Variants in ANO4 observed in about 807,000 individuals in gnomAD.
The protein encoded by ANO4 is anoctamin-4.
In ANO4, 69 loss-of-function variants were observed where a neutral mutation model predicts 141.9. That is an observed-to-expected ratio of 0.49 (90% CI 0.40 to 0.59). ANO4 has a LOEUF of 0.59. ANO4 is among the 20% of genes least tolerant of loss of function. ANO4 has a pLI of 0.00. For synonymous variants in ANO4, 350 were observed against 394.3 expected, an observed-to-expected ratio of 0.89 and a Z score of 1.33; for missense variants, 894 against 1,162.2, an observed-to-expected ratio of 0.77 and a Z score of 3.36.
chr12:100,967,629 G>A lies in ANO4; in HGVS notation c.457-3677G>A, dbSNP rs150176490. On this transcript the variant is annotated intron_variant, in intron 5 of 27. Coordinates refer to ENST00000392977, the MANE Select transcript of ANO4 (RefSeq NM_001286615.2). ...CACAGAGGACTCATAGATATTCATC[G>A]CCATTCAAGAGAATTCAGGTAATAT... 4.9e-3 allele frequency among the ~76,000 whole-genome samples: 734 copies of A among 151,022 alleles called. 6 individuals carry two copies. Among genetic ancestry groups the A allele is most frequent in the African/African-American group, 0.017 (687 of 41,126 alleles).
chr12:100,940,411 T>G (rs1407668663), intron 4 of ANO4, among the ~76,000 whole-genome samples: 1 of 152,172 alleles, frequency 6.6e-6, no homozygotes, highest in Non-Finnish European at 1.5e-5. Context: ...TTGTTCTGCT[T>G]GGAGCCAATA....
At chr12:101,097,461 G>A (rs775977934) in intron 19 of ANO4, among the ~76,000 whole-genome samples, 190 bp from the exon 20 acceptor site, 1 of 152,220 alleles carries the variant, frequency 6.6e-6, no homozygotes, top group African/African-American at 2.4e-5. Context: ...AGAAAGGCCA[G>A]AAGAGACATG....
intron 1 of ANO4, among the ~76,000 whole-genome samples, chr12:100,848,190 G>C (rs964139538): frequency 3.3e-5 from 5 of 152,000 alleles, no homozygotes; most frequent in Non-Finnish European, 7.4e-5. Context: ...TACTAGCCTT[G>C]ATTTATCCCA....
chr12:101,111,910 CA>C (rs1457451685), intron 24 of ANO4, among the ~76,000 whole-genome samples, 200 bp downstream of exon 24: 1 of 151,942 alleles, frequency 6.6e-6, no homozygotes, highest in African/African-American at 2.4e-5. Context: ...CCTCATCTAC[CA>C]AAGAGTTGGA....
chr12:100,792,468 C>T (rs530268742), upstream of ANO4, among the ~76,000 whole-genome samples: 10 of 152,254 alleles, frequency 6.6e-5, no homozygotes, highest in Non-Finnish European at 1.0e-4. Flanking sequence ...AAGACACAAT[C>T]GCTGATATCA....
intron 8 of ANO4, among the ~76,000 whole-genome samples, chr12:101,017,987 T>C (rs1297029692): frequency 6.6e-6 from 1 of 152,184 alleles, no homozygotes; most frequent in African/African-American, 2.4e-5. Flanking sequence ...GAAAATGTAA[T>C]GTGATGCTAT....
At chr12:100,752,326 C>T (rs1458147608) in intron 3 of ANO4, among the ~76,000 whole-genome samples, 1 of 151,960 alleles carries the variant, frequency 6.6e-6, no homozygotes, top group Non-Finnish European at 1.5e-5. Context: ...TTGTGACCTA[C>T]TACTACTACT....
intron 3 of ANO4, among the ~76,000 whole-genome samples, chr12:100,751,790 A>C (rs1227508809): frequency 6.6e-6 from 1 of 152,174 alleles, no homozygotes. Context: ...AGGAAATTTC[A>C]TTAGCTCAGT....
chr12:101,079,792 C>G lies in ANO4; in HGVS notation c.1395+517C>G, dbSNP rs545658913. ...TTGGGAGACGTGGTTAAATGGAGGG[C>G]CAGCTCTAGACAAAACTGCCAAGGA... On this transcript the variant is annotated intron_variant, in intron 15 of 27. Transcript: ENST00000392977. Among the ~76,000 whole-genome samples, 36 of 151,650 alleles carry G rather than the reference C, an allele frequency of 2.4e-4. 1 individual carries two copies. In the South Asian group the frequency reaches 7.3e-3, roughly 31 times the overall value.
chr12:100,853,340 C>G (rs1201056127), intron 1 of ANO4, among the ~76,000 whole-genome samples: 1 of 151,940 alleles, frequency 6.6e-6, no homozygotes, highest in Non-Finnish European at 1.5e-5. Flanking sequence ...ATTGTATGTC[C>G]TGTTTAAGAA....
intron 1 of ANO4, among the ~76,000 whole-genome samples, chr12:100,829,516 T>C (rs2036531097): frequency 6.6e-6 from 1 of 152,054 alleles, no homozygotes; most frequent in Non-Finnish European, 1.5e-5. Context: ...CTGGACTTTT[T>C]CCTCCCTTAA....
At chr12:101,125,132 C>T (rs1026201040) in intron 26 of ANO4, among the ~76,000 whole-genome samples, 4 of 152,134 alleles carry the variant, frequency 2.6e-5, no homozygotes, top group Non-Finnish European at 5.9e-5. Flanking sequence ...TGCTTGTGTC[C>T]TTTCTGATTT....
chr12:101,089,451 T>C (rs1445037182), intron 17 of ANO4, among the ~76,000 whole-genome samples: 9 of 152,094 alleles, frequency 5.9e-5, no homozygotes. Flanking sequence ...TAGCACTTCC[T>C]GTACCTCCCC....
At chr12:101,078,749 T>G (rs1424763448) in intron 14 of ANO4, among the ~76,000 whole-genome samples, 1 of 152,204 alleles carries the variant, frequency 6.6e-6, no homozygotes, top group Non-Finnish European at 1.5e-5. Flanking sequence ...CTGCCAAGTT[T>G]CATTTTGACT....
In ANO4 at chr12:100,870,811, T is replaced by C. The variant is rs189919173; in HGVS notation, c.-140-30835T>C. Among the ~76,000 whole-genome samples, 21 of 152,312 alleles carry C rather than the reference T, an allele frequency of 1.4e-4. No homozygotes were observed. In the East Asian group the frequency reaches 3.5e-3, roughly 25 times the overall value. ...TTTATTTTTGAAGTCACATTAGAGT[T>C]CCAAATGTATAATTATACAGGATTC... On this transcript the variant is annotated intron_variant, in intron 1 of 27. Transcript: ENST00000392977.
At chr12:100,877,580 A>G (rs2039377849) in intron 1 of ANO4, among the ~76,000 whole-genome samples, 1 of 151,856 alleles carries the variant, frequency 6.6e-6, no homozygotes, top group Non-Finnish European at 1.5e-5. Flanking sequence ...GAGTTTGGTA[A>G]GAGTAACTTC....
intron 9 of ANO4, among the ~76,000 whole-genome samples, chr12:101,035,700 G>C (rs910574689): frequency 6.6e-6 from 1 of 152,118 alleles, no homozygotes; most frequent in South Asian, 2.1e-4. Flanking sequence ...AAGAGCTCCT[G>C]GTGTAATTCC....
chr12:100,766,158 C>T (rs2888561), intron 3 of ANO4, among the ~76,000 whole-genome samples: 6,954 of 152,194 alleles, frequency 0.046, 179 homozygotes, highest in Non-Finnish European at 0.066. Flanking sequence ...ACCTAGCATT[C>T]TGTCCTCCAG....
chr12:101,121,317 A>G (rs1035663751), intron 26 of ANO4, among the ~76,000 whole-genome samples: 2 of 152,100 alleles, frequency 1.3e-5, no homozygotes, highest in Admixed American at 1.3e-4. Flanking sequence ...AAGTACGTAC[A>G]ATAAGAACTT....
Sources: gnomAD v4.1 joint callset for allele counts (sites outside exome capture counted in the v4.1 genomes callset) on GRCh38, gnomAD v4.1.1 for gene constraint, MANE v1.5 for transcripts, NCBI Gene and HGNC (gene_info 2026-07-23, HGNC 2026-07-21) for gene names.